The following MAML3 variants were observed in gnomAD, a reference collection of about 807,000 sequenced individuals.
The protein encoded by MAML3 is mastermind-like protein 3.
A neutral mutation model predicts 101.9 loss-of-function variants in MAML3; 27 were observed. That is an observed-to-expected ratio of 0.27 (90% confidence interval 0.20 to 0.37). MAML3 has a LOEUF of 0.37. MAML3 is among the 10% of genes least tolerant of loss of function. The pLI, the probability that MAML3 is intolerant of heterozygous loss-of-function variation, is 1.00. For synonymous variants in MAML3, 501 were observed against 555.9 expected, an observed-to-expected ratio of 0.90 and a Z score of 1.39; for missense variants, 1,316 against 1,444.9, an observed-to-expected ratio of 0.91 and a Z score of 1.45.
chr4:139,749,028 C>T (rs1729415647), intron 2 of MAML3, among the ~76,000 whole-genome samples: 1 of 152,102 alleles, frequency 6.6e-6, no homozygotes, highest in South Asian at 2.1e-4. Flanking sequence ...CCCATCTGGC[C>T]CCCCACAAAC....
intron 1 of MAML3, among the ~76,000 whole-genome samples, chr4:140,000,042 C>T (rs1306513641): frequency 6.6e-6 from 1 of 152,110 alleles, no homozygotes; most frequent in Non-Finnish European, 1.5e-5. Context: ...AAGTCTCTCC[C>T]CCAAAACATC....
chr4:139,949,263 C>T (rs113133032), intron 1 of MAML3, among the ~76,000 whole-genome samples: 43 of 152,266 alleles, frequency 2.8e-4, no homozygotes, highest in African/African-American at 1.0e-3. Context: ...GATCCGCCTG[C>T]CTTGGCCTCC....
intron 1 of MAML3, among the ~76,000 whole-genome samples, chr4:140,036,424 C>T (rs1217624661): frequency 6.6e-6 from 1 of 152,156 alleles, no homozygotes; most frequent in Non-Finnish European, 1.5e-5. Flanking sequence ...AAACAGCTAC[C>T]GCGATTAAAA....
rs766594369 is a variant in MAML3 at position 139,890,633 on chromosome 4, ATGG to A, written c.800_802del (p.Thr267del). The A allele has an allele frequency of 1.2e-6, 2 of 1,613,776 alleles. No homozygotes were observed. The highest frequency in any genetic ancestry group is 1.7e-6 in the Non-Finnish European group (2 of 1,179,802). ...TTGTTTGAGGTCTTTGCTCTGCAAG[ATGG>A]TGAAGCTATCCTCCAGGTCACTGCA... is the stretch of plus-strand genomic sequence containing the variant. On this transcript the variant is annotated inframe_deletion, in exon 2 of 5. Coordinates refer to ENST00000509479, the MANE Select transcript of MAML3 (RefSeq NM_018717.5). This position sits in a 1 kb window ranked among gnomAD's most constrained non-coding sequence, Gnocchi z 4.1.
At chr4:140,037,294 C>T (rs773426304) in intron 1 of MAML3, among the ~76,000 whole-genome samples, 2 of 147,388 alleles carry the variant, frequency 1.4e-5, no homozygotes, top group Non-Finnish European at 3.0e-5. Flanking sequence ...AAACTAAGAA[C>T]GGATCAAGAA....
At chr4:139,727,174 A>G (rs1346135337) in intron 3 of MAML3, among the ~76,000 whole-genome samples, 1 of 152,194 alleles carries the variant, frequency 6.6e-6, no homozygotes, top group Non-Finnish European at 1.5e-5. Context: ...CTACAAGGCC[A>G]GCCAGTATTC....
chr4:139,997,634 A>G (rs1184983673), intron 1 of MAML3, among the ~76,000 whole-genome samples: 1 of 151,950 alleles, frequency 6.6e-6, no homozygotes, highest in Non-Finnish European at 1.5e-5. Context: ...CATATTTGCC[A>G]TTTTCAGTGC....
At chr4:139,885,705 C>T (rs996285904) in intron 2 of MAML3, among the ~76,000 whole-genome samples, 5 of 148,640 alleles carry the variant, frequency 3.4e-5, no homozygotes, top group African/African-American at 9.9e-5. Context: ...GGGCGGATCA[C>T]GAGGTCAGGA....
At chr4:140,043,675 C>T (rs1727124057) in intron 1 of MAML3, among the ~76,000 whole-genome samples, 3 of 152,190 alleles carry the variant, frequency 2.0e-5, no homozygotes, top group South Asian at 2.1e-4. Flanking sequence ...TACACGGGTA[C>T]ACACAGTATA....
chr4:139,757,338 A>G (rs1335516444), intron 2 of MAML3, among the ~76,000 whole-genome samples: 3 of 151,826 alleles, frequency 2.0e-5, no homozygotes, highest in Non-Finnish European at 4.4e-5. Flanking sequence ...CCTCACACTC[A>G]CACTCCAGCA....
chr4:140,151,934 C>T (rs1331238265), intron 1 of MAML3, among the ~76,000 whole-genome samples: 1 of 152,206 alleles, frequency 6.6e-6, no homozygotes, highest in Admixed American at 6.5e-5. Context: ...GCTTATTAAG[C>T]AGGCCCCCAA....
intron 1 of MAML3, among the ~76,000 whole-genome samples, chr4:139,990,877 T>C (rs1734658716): frequency 6.6e-6 from 1 of 152,068 alleles, no homozygotes; most frequent in African/African-American, 2.4e-5. Context: ...GAGAACTACA[T>C]ACCACTGTTC....
intron 1 of MAML3, among the ~76,000 whole-genome samples, chr4:140,004,578 A>C (rs1382303481): frequency 1.3e-5 from 2 of 152,168 alleles, no homozygotes; most frequent in African/African-American, 4.8e-5. Context: ...AGAAAGAAAG[A>C]AAATGGGATG....
At position 139,730,627 on chromosome 4, in the gene MAML3, A is replaced by C. The variant is rs773827696; in HGVS notation, c.2120T>G (p.Met707Arg). The change falls in exon 3 of 5, where the codon ATG (methionine) becomes AGG (arginine). Residue 707 changes from methionine to arginine, a missense_variant. Coordinates refer to ENST00000509479, the MANE Select transcript of MAML3 (RefSeq NM_018717.5). ...TGAGCCTGGGGGCACGGAGGACTGC[A>C]TGGGGCCTGTGGTTCGGGGAAGTCC... ...PVGLPRTTGP[M>R]QSSVPPGSGG... is the part of the protein sequence containing the mutation. The C allele has an allele frequency of 1.2e-6, 2 of 1,613,148 alleles. No homozygotes were observed. Among genetic ancestry groups the C allele is most frequent in the South Asian group, 2.2e-5 (2 of 90,728 alleles).
intron 2 of MAML3, chr4:139,794,435 A>G (rs113546043): frequency 5.9e-5 from 9 of 152,326 alleles, no homozygotes; most frequent in African/African-American, 1.7e-4. Context: ...TTCACTCCCA[A>G]TCTGACTGTG....
At chr4:139,768,594 C>G (rs112347219) in intron 2 of MAML3, among the ~76,000 whole-genome samples, 1 of 152,148 alleles carries the variant, frequency 6.6e-6, no homozygotes, top group African/African-American at 2.4e-5. Context: ...AATGTAACAC[C>G]AGATGTTTAA....
chr4:140,146,865 G>A (rs1411391620), intron 1 of MAML3, among the ~76,000 whole-genome samples: 1 of 152,066 alleles, frequency 6.6e-6, no homozygotes, highest in East Asian at 1.9e-4. Context: ...GCCGGGTGCG[G>A]TGGCTCACAC....
In MAML3 at chr4:140,153,936, T is replaced by C. The variant is rs1399042612; in HGVS notation, c.-609A>G. ...TGCTCAGTTGCATTTCACAGGAACC[T>C]AGATATCGAATCCTCGGGCTGGGGG... On this transcript the variant is annotated 5_prime_UTR_variant, in exon 1 of 5. The change abolishes the stop of an existing upstream ORF in the 5' untranslated region. Coordinates refer to ENST00000509479, the MANE Select transcript of MAML3 (RefSeq NM_018717.5). 1 of 153,266 alleles carries C rather than the reference T, an allele frequency of 6.5e-6. No homozygotes were observed. Among genetic ancestry groups the C allele is most frequent in the Non-Finnish European group, 1.5e-5 (1 of 68,392 alleles). The allele number at this position is 153,266 out of a possible 1,614,324, so 9.5% of individuals were successfully genotyped here. A position where few individuals can be genotyped will look rare whatever the true frequency, so the allele number is the denominator to read the frequency against.
chr4:140,081,655 G>A (rs554989774), intron 1 of MAML3, among the ~76,000 whole-genome samples: 1 of 152,098 alleles, frequency 6.6e-6, no homozygotes, highest in Non-Finnish European at 1.5e-5. Context: ...AAGTCTCATT[G>A]GCATGATTTT....
Sources: gnomAD v4.1 joint callset for allele counts (sites outside exome capture counted in the v4.1 genomes callset) on GRCh38, gnomAD v4.1.1 for gene constraint, Gnocchi (gnomAD v3.1) non-coding constraint, MANE v1.5 for transcripts, NCBI Gene and HGNC (gene_info 2026-07-23, HGNC 2026-07-21) for gene names.